CDK12: variants seen among roughly 807,000 people sequenced by gnomAD.
The protein encoded by CDK12 is cyclin dependent kinase 12, also known as cyclin-dependent kinase 12.
A neutral mutation model predicts 133.8 loss-of-function variants in CDK12; 17 were observed. The observed-to-expected ratio is 0.13, with a 90% CI of 0.09 to 0.19. CDK12 has a LOEUF of 0.19. CDK12 is among the 10% of genes least tolerant of loss of function. The probability of loss-of-function intolerance (pLI) is 1.00; values close to 1 mark genes in which losing one functional copy is unlikely to be tolerated. For synonymous variants in CDK12, 694 were observed against 683.6 expected (o/e 1.02, Z -0.24); for missense variants, 1,508 against 1,818.7 (o/e 0.83, Z 3.11).
intron 1 of CDK12, among the ~76,000 whole-genome samples, chr17:39,465,531 G>T (rs1451488108): frequency 6.6e-6 from 1 of 151,590 alleles, no homozygotes; most frequent in East Asian, 1.9e-4. Context: ...TTGTTGCCCA[G>T]GCTGGAGTGC....
chr17:39,472,306 T>C (rs904498682), intron 2 of CDK12, among the ~76,000 whole-genome samples: 3 of 152,134 alleles, frequency 2.0e-5, no homozygotes, highest in Non-Finnish European at 4.4e-5. Flanking sequence ...TAATGCTAAT[T>C]TTGATTAAAA....
intron 1 of CDK12, 56 bp downstream of exon 1, chr17:39,463,173 CA>C: frequency 6.8e-7 from 1 of 1,479,960 alleles, no homozygotes; most frequent in African/African-American, 1.4e-5. Context: ...GAGGAATTGG[CA>C]TTCAGCGTGT....
intron 8 of CDK12, among the ~76,000 whole-genome samples, chr17:39,515,506 G>T (rs545608593): frequency 2.0e-5 from 3 of 152,120 alleles, no homozygotes; most frequent in Admixed American, 6.6e-5. Flanking sequence ...TGATCATAGA[G>T]TGTCCTTAAT....
Position 39,490,569 on chromosome 17 carries a change from T to A in CDK12, c.1944T>A (p.Thr648=), listed in dbSNP as rs755209426. 2 of 1,608,670 alleles carry A rather than the reference T, an allele frequency of 1.2e-6. No individual in the cohort carries two copies. The highest frequency in any genetic ancestry group is 1.7e-6 in the Non-Finnish European group (2 of 1,177,636). The change falls in exon 3 of 14, where the codon ACT becomes ACA. Residue 648 remains threonine, a synonymous_variant. Coordinates refer to ENST00000447079, the MANE Select transcript of CDK12 (RefSeq NM_016507.4). ...GDDDMDSPKE[T]LPSKPVKKEK... ...ATTTATTGTTTAGTCCAAAAGAAAC[T>A]CTTCCTTCAAAACCTGTGAAGAAAG... is the stretch of plus-strand genomic sequence containing the variant.
chr17:39,494,108 A>G (rs975856810), intron 4 of CDK12, among the ~76,000 whole-genome samples: 1 of 152,106 alleles, frequency 6.6e-6, no homozygotes, highest in African/African-American at 2.4e-5. Context: ...CCCAGGGTGG[A>G]GTGCAATGAT....
At chr17:39,521,445 T>C in intron 11 of CDK12, among the ~76,000 whole-genome samples, 1 of 152,080 alleles carries the variant, frequency 6.6e-6, no homozygotes, top group East Asian at 1.9e-4. Flanking sequence ...GTATTTTTAG[T>C]AGAGACAGGG....
downstream of CDK12, among the ~76,000 whole-genome samples, chr17:39,538,626 C>T (rs1176435105): frequency 2.0e-5 from 3 of 152,156 alleles, no homozygotes; most frequent in Non-Finnish European, 4.4e-5. Flanking sequence ...TACCTGGGAG[C>T]GGTGGCTCAC....
At chr17:39,483,318 T>C (rs948333625) in intron 2 of CDK12, among the ~76,000 whole-genome samples, 1 of 151,988 alleles carries the variant, frequency 6.6e-6, no homozygotes, top group Non-Finnish European at 1.5e-5. Context: ...ATGCTGGAGT[T>C]CAGTGGCCTG....
chr17:39,487,555 T>C (rs2051227788), intron 2 of CDK12, among the ~76,000 whole-genome samples: 1 of 151,946 alleles, frequency 6.6e-6, no homozygotes, highest in South Asian at 2.1e-4. Flanking sequence ...AGACATGAGT[T>C]AGTCTGTTGT....
intron 6 of CDK12, among the ~76,000 whole-genome samples, chr17:39,503,662 A>C (rs1216718550): frequency 1.3e-5 from 2 of 152,046 alleles, no homozygotes; most frequent in African/African-American, 2.4e-5. Flanking sequence ...TTCCAGACTA[A>C]ATTGAATTTC....
At chr17:39,496,295 C>T (rs1348842923) in intron 5 of CDK12, among the ~76,000 whole-genome samples, 2 of 152,106 alleles carry the variant, frequency 1.3e-5, no homozygotes, top group Non-Finnish European at 2.9e-5. Flanking sequence ...TATAACTTGT[C>T]ATAAGCAATT....
intron 2 of CDK12, among the ~76,000 whole-genome samples, chr17:39,476,995 T>A (rs1177645114): frequency 1.3e-5 from 2 of 151,292 alleles, no homozygotes; most frequent in Non-Finnish European, 2.9e-5. Flanking sequence ...ATTACAGGCG[T>A]GAACCACCAA....
intron 2 of CDK12, among the ~76,000 whole-genome samples, chr17:39,480,504 C>CG (rs1229300266): frequency 5.9e-5 from 9 of 151,760 alleles, no homozygotes; most frequent in African/African-American, 1.9e-4. Context: ...TGCAATGGTG[C>CG]GATCTCAGCT....
intron 6 of CDK12, among the ~76,000 whole-genome samples, chr17:39,504,523 G>A (rs1436568406): frequency 2.0e-5 from 3 of 152,082 alleles, no homozygotes; most frequent in Non-Finnish European, 2.9e-5. Context: ...TAATGGGAAG[G>A]TACTGGTAGG....
chr17:39,556,656 C>T (rs1309137835), intron 3 of CDK12, among the ~76,000 whole-genome samples: 3 of 152,118 alleles, frequency 2.0e-5, no homozygotes, highest in Non-Finnish European at 2.9e-5. Flanking sequence ...AGCCCAACCC[C>T]CTCCCTGCCA....
intron 3 of CDK12, among the ~76,000 whole-genome samples, chr17:39,492,094 C>T (rs892060493): frequency 5.8e-5 from 8 of 137,598 alleles, no homozygotes; most frequent in South Asian, 2.4e-4. Context: ...ATTTCATTTT[C>T]TTTTCTTTTT....
At chr17:39,473,297 G>A (rs1000720359) in intron 2 of CDK12, among the ~76,000 whole-genome samples, 1 of 152,002 alleles carries the variant, frequency 6.6e-6, no homozygotes, top group Non-Finnish European at 1.5e-5. Context: ...TCCATAAAAA[G>A]TAAAAGAATA....
intron 1 of CDK12, among the ~76,000 whole-genome samples, chr17:39,464,303 C>T (rs1229303379): frequency 6.6e-6 from 1 of 151,944 alleles, no homozygotes; most frequent in Non-Finnish European, 1.5e-5. Flanking sequence ...TCACTGCAGC[C>T]TTGACTTCCC....
Position 39,531,311 on chromosome 17 carries a change from T to G in CDK12, c.4468T>G (p.Tyr1490Asp). ...PRGGRGRGVP[Y>D] ...AGGGGGAAGAGGGAGAGGAGTTCCT[T>G]ACTAACCCAGAGACTTCAGTGTCCT... The change falls in exon 14 of 14, where the codon TAC (tyrosine) becomes GAC (aspartate). Residue 1490 changes from tyrosine (Y) to aspartate (D), a missense_variant. Physicochemically the swap from Tyr to Asp is radical, Grantham distance 160. Around this residue, in one of 9 missense-constraint regions of CDK12, gnomAD observed 114 missense variants for 101.2 expected, o/e 1.13. Transcript: ENST00000447079. 1.3e-6 allele frequency: 2 copies of G among 1,483,504 alleles called. No individual in the cohort carries two copies. Among genetic ancestry groups the G allele is most frequent in the East Asian group, 4.7e-5 (2 of 42,212 alleles). 91.9% of individuals were successfully genotyped at this position (1,483,504 alleles called of 1,614,324 possible). A position where few individuals can be genotyped will look rare whatever the true frequency, so the allele number is the denominator to read the frequency against.
Sources: allele counts gnomAD v4.1 joint callset (sites outside exome capture counted in the v4.1 genomes callset), GRCh38; gene constraint gnomAD v4.1.1; regional missense constraint gnomAD v4.1.1; transcripts MANE v1.5; gene names NCBI Gene and HGNC (gene_info 2026-07-23, HGNC 2026-07-21).